ATP2B4: variants seen among roughly 807,000 people sequenced by gnomAD.
ATP2B4 encodes ATPase plasma membrane Ca2+ transporting 4.
In ATP2B4, 39 loss-of-function variants were observed where a neutral mutation model predicts 110.3. The ratio of observed to expected loss-of-function variants is 0.35; its 90% confidence interval spans 0.27 to 0.46. The LOEUF (loss-of-function observed/expected upper bound fraction) is 0.46, where lower values mean the gene tolerates loss of function less well. Among genes scored for constraint, ATP2B4 ranks in the 20% least tolerant of loss-of-function variants. ATP2B4 has a pLI of 1.00. For synonymous variants in ATP2B4, 538 were observed against 571.7 expected (o/e 0.94, Z 0.84); for missense variants, 1,135 against 1,530.9 (o/e 0.74, Z 4.32).
rs12130234 is a variant in ATP2B4, at chr1:203,693,040, G to C, written c.194-5117G>C. ...CAAGATTTCCCCTCAGTTTCCTGAG[G>C]AATTTCTAGGGGAAACCCTTTTCCT... On this transcript the variant is annotated intron_variant, in intron 2 of 20. Transcript: ENST00000357681. Among the ~76,000 whole-genome samples, 930 of 152,244 alleles carry C rather than the reference G, an allele frequency of 6.1e-3. 10 individuals are homozygous for C. The highest frequency in any genetic ancestry group is 6.6e-3 in the Non-Finnish European group (446 of 68,006).
chr1:203,627,292 A>C (rs986227317), intron 1 of ATP2B4, 73 bp downstream of exon 1: 3 of 152,260 alleles, frequency 2.0e-5, no homozygotes, highest in East Asian at 3.8e-4. Flanking sequence ...ATGGCTTCTA[A>C]AACTCCCCGA....
rs1667015466 is a variant in ATP2B4, at chr1:203,742,587, GA to G, written c.*2734del. ...CTAGAAAAACGGGTAGTAAACTGTG[GA>G]TAGTCAGGAAAACACCCAGCAAGGG... On this transcript the variant is annotated 3_prime_UTR_variant, in exon 21 of 21. Coordinates refer to ENST00000357681, the MANE Select transcript of ATP2B4 (RefSeq NM_001684.5). 1 of 152,554 alleles carries G rather than the reference GA, an allele frequency of 6.6e-6. No individual in the cohort carries two copies. Among genetic ancestry groups the G allele is most frequent in the African/African-American group, 2.4e-5 (1 of 41,404 alleles). 9.5% of individuals were successfully genotyped at this position (152,554 alleles called of 1,614,324 possible).
At chr1:203,708,819 C>T (rs1042918990) in intron 10 of ATP2B4, among the ~76,000 whole-genome samples, 1 of 152,080 alleles carries the variant, frequency 6.6e-6, no homozygotes, top group Non-Finnish European at 1.5e-5. Context: ...CACACCACTG[C>T]AGTCAAGCCT....
At chr1:203,735,257 A>G (rs1666850234) in intron 20 of ATP2B4, among the ~76,000 whole-genome samples, 1 of 152,008 alleles carries the variant, frequency 6.6e-6, no homozygotes, top group Non-Finnish European at 1.5e-5. Context: ...AGTATTATCA[A>G]CTCACAACCT....
chr1:203,703,549 A>G, intron 7 of ATP2B4, 103 bp from the exon 8 acceptor site: 2 of 1,341,892 alleles, frequency 1.5e-6, no homozygotes, highest in Admixed American at 2.0e-5. Flanking sequence ...GGTCCAAGGT[A>G]TATTCCGGGA....
chr1:203,698,447 C>A, intron 3 of ATP2B4, 93 bp downstream of exon 3: 1 of 1,367,136 alleles, frequency 7.3e-7, no homozygotes, highest in Non-Finnish European at 1.0e-6. Flanking sequence ...CAGGTTATAG[C>A]TTAAAACATT....
Position 203,707,170 on chromosome 1 carries a change from GT to G in ATP2B4, c.1262del (p.Val421GlyfsTer17). ...IIGITVLVVA[V>X]PEGLPLAVTI... ...CGGCATCACTGTACTGGTGGTGGCT[GT>G]GCCAGAGGGGCTGCCTCTGGCTGTC... On this transcript the variant is annotated frameshift_variant, in exon 9 of 21. Transcript: ENST00000357681. LOFTEE classifies it high-confidence loss of function. 6.2e-7 allele frequency: 1 copy of G among 1,614,094 alleles called. No individual in the cohort carries two copies. The highest frequency in any genetic ancestry group is 8.5e-7 in the Non-Finnish European group (1 of 1,180,012).
chr1:203,633,182 A>G (rs529579814), intron 1 of ATP2B4, among the ~76,000 whole-genome samples: 2 of 152,388 alleles, frequency 1.3e-5, no homozygotes, highest in South Asian at 2.1e-4. Flanking sequence ...GGTGAAACAC[A>G]TTAAGCATTC....
chr1:203,717,636 T>TTATTTATTTATTTATG (rs1311486708), intron 15 of ATP2B4, among the ~76,000 whole-genome samples: 1 of 149,820 alleles, frequency 6.7e-6, no homozygotes, highest in Non-Finnish European at 1.5e-5. Context: ...TTTTATTTAT[T>TTATTTATTTATTTATG]TATTTATTTA....
chr1:203,728,023 T>A (rs1666575788), intron 20 of ATP2B4: 1 of 353,318 alleles, frequency 2.8e-6, no homozygotes, highest in African/African-American at 2.2e-5. Context: ...TAGGAATAGA[T>A]GCTATCTGGA....
intron 1 of ATP2B4, among the ~76,000 whole-genome samples, chr1:203,675,005 G>A (rs932535216): frequency 1.3e-5 from 2 of 152,174 alleles, no homozygotes; most frequent in Admixed American, 6.5e-5. Context: ...CACTGCGCCT[G>A]GCCTCATCTT....
chr1:203,647,504 A>G (rs1389853829), intron 1 of ATP2B4, among the ~76,000 whole-genome samples: 1 of 152,136 alleles, frequency 6.6e-6, no homozygotes, highest in East Asian at 1.9e-4. Flanking sequence ...TCATGTCTAT[A>G]ATCCCAACAC....
At chr1:203,696,008 A>T (rs1459526858) in intron 2 of ATP2B4, among the ~76,000 whole-genome samples, 1 of 151,796 alleles carries the variant, frequency 6.6e-6, no homozygotes, top group African/African-American at 2.4e-5. Flanking sequence ...GCTCACTGCA[A>T]CCTCTGCCTC....
chr1:203,686,667 T>TTTTTCTTTC (rs1472238998), intron 2 of ATP2B4, among the ~76,000 whole-genome samples: 1 of 144,938 alleles, frequency 6.9e-6, no homozygotes, highest in Non-Finnish European at 1.5e-5. Flanking sequence ...TGTCCTGGTG[T>TTTTTCTTTC]TTTTCTTTCT....
chr1:203,679,573 G>C (rs893099974), intron 1 of ATP2B4, among the ~76,000 whole-genome samples: 1 of 152,136 alleles, frequency 6.6e-6, no homozygotes, highest in Non-Finnish European at 1.5e-5. Context: ...TTGGTACTGT[G>C]AAAAGAGGTT....
At chr1:203,628,781 T>C (rs569623677) in intron 1 of ATP2B4, among the ~76,000 whole-genome samples, 1 of 151,320 alleles carries the variant, frequency 6.6e-6, no homozygotes, top group South Asian at 2.1e-4. Context: ...AGCCTGGGAG[T>C]GACGAGGGGC....
At chr1:203,657,490 C>G (rs1664197538) in intron 1 of ATP2B4, 1 of 786,498 alleles carries the variant, frequency 1.3e-6, no homozygotes, top group Non-Finnish European at 2.3e-6. Flanking sequence ...TAAGCAGGTA[C>G]TGCTCCCTGT....
chr1:203,632,436 C>T (rs1349374087), intron 1 of ATP2B4, among the ~76,000 whole-genome samples: 6 of 151,240 alleles, frequency 4.0e-5, no homozygotes, highest in African/African-American at 4.9e-5. Context: ...CTCTGCCGCC[C>T]GGGTTCACGC....
intron 1 of ATP2B4, among the ~76,000 whole-genome samples, chr1:203,646,837 G>T (rs1172792881): frequency 6.6e-6 from 1 of 152,102 alleles, no homozygotes; most frequent in Non-Finnish European, 1.5e-5. Context: ...AGAAAGTGTG[G>T]AATATTCAGA....
Sources: allele counts gnomAD v4.1 joint callset (sites outside exome capture counted in the v4.1 genomes callset), GRCh38; gene constraint gnomAD v4.1.1; transcripts MANE v1.5; gene names NCBI Gene and HGNC (gene_info 2026-07-23, HGNC 2026-07-21).